Variants in PDE3A observed in about 807,000 individuals in gnomAD.
The protein encoded by PDE3A is cGMP-inhibited 3',5'-cyclic phosphodiesterase 3A.
PDE3A carries 43 observed loss-of-function variants against 98.3 expected under a neutral mutation model. The observed-to-expected ratio is 0.44, with a 90% confidence interval of 0.34 to 0.56. PDE3A has a LOEUF of 0.56. PDE3A is among the 20% of genes least tolerant of loss of function. The pLI is 0.01. For missense variants in PDE3A, 1,427 were observed against 1,440.7 expected (o/e 0.99, Z 0.15); for synonymous variants, 663 against 567.9 (o/e 1.17, Z -2.38).
At chr12:20,448,686 A>G (rs1219160416) in intron 1 of PDE3A, among the ~76,000 whole-genome samples, 1 of 151,936 alleles carries the variant, frequency 6.6e-6, no homozygotes, top group Non-Finnish European at 1.5e-5. Flanking sequence ...TGTTTCTTAA[A>G]TTCACTAAAA....
intron 1 of PDE3A, among the ~76,000 whole-genome samples, chr12:20,384,184 A>ATT (rs3058564): frequency 1.5e-5 from 2 of 137,866 alleles, no homozygotes; most frequent in Non-Finnish European, 1.6e-5. Flanking sequence ...TTGGGTTGAC[A>ATT]TTTTTTTTTT....
chr12:20,647,784 A>G (rs903402035), intron 12 of PDE3A, among the ~76,000 whole-genome samples: 2 of 152,024 alleles, frequency 1.3e-5, no homozygotes, highest in Non-Finnish European at 2.9e-5. Context: ...TTTCTTGACT[A>G]TCTACCTTCT....
At chr12:20,551,008 A>AAT (rs1043571503) in intron 1 of PDE3A, among the ~76,000 whole-genome samples, 3 of 150,174 alleles carry the variant, frequency 2.0e-5, no homozygotes, top group Non-Finnish European at 4.4e-5. Context: ...TATGTGTGTA[A>AAT]ATATATATAT....
intron 1 of PDE3A, among the ~76,000 whole-genome samples, chr12:20,410,634 T>C (rs1457495358): frequency 6.6e-6 from 1 of 152,198 alleles, no homozygotes; most frequent in Non-Finnish European, 1.5e-5. Context: ...GTTGTTGTTT[T>C]GGGTGAGAAC....
chr12:20,612,037 G>A (rs1405996987), intron 2 of PDE3A, among the ~76,000 whole-genome samples: 2 of 151,574 alleles, frequency 1.3e-5, no homozygotes, highest in African/African-American at 4.8e-5. Context: ...TTGTTTTGCT[G>A]GATCATAGAA....
chr12:20,514,909 G>T (rs535603231), intron 1 of PDE3A, among the ~76,000 whole-genome samples: 5 of 152,280 alleles, frequency 3.3e-5, no homozygotes, highest in African/African-American at 1.2e-4. Flanking sequence ...ACCTGACACT[G>T]GGTAACTTAT....
chr12:20,557,754 A>T (rs1277166819), intron 2 of PDE3A, among the ~76,000 whole-genome samples: 1 of 152,170 alleles, frequency 6.6e-6, no homozygotes, highest in African/African-American at 2.4e-5. Flanking sequence ...TCCAGTATCA[A>T]TTTGATTAGT....
At chr12:20,409,347 C>G (rs904889927) in intron 1 of PDE3A, among the ~76,000 whole-genome samples, 1 of 152,034 alleles carries the variant, frequency 6.6e-6, no homozygotes, top group African/African-American at 2.4e-5. Flanking sequence ...TTCTACAACT[C>G]TTTCTAGAAA....
At chr12:20,596,043 T>C (rs973514747) in intron 2 of PDE3A, among the ~76,000 whole-genome samples, 1 of 152,226 alleles carries the variant, frequency 6.6e-6, no homozygotes, top group Non-Finnish European at 1.5e-5. Context: ...TATTTTTGAA[T>C]TCATTTTGTC....
At chr12:20,514,426 TTG>T (rs1354073453) in intron 1 of PDE3A, among the ~76,000 whole-genome samples, 1 of 152,188 alleles carries the variant, frequency 6.6e-6, no homozygotes, top group Non-Finnish European at 1.5e-5. Context: ...ATTATTTGTG[TTG>T]TGTTTGAAGT....
chr12:20,408,155 G>A (rs540524217), intron 1 of PDE3A, among the ~76,000 whole-genome samples: 64 of 152,212 alleles, frequency 4.2e-4, no homozygotes, highest in Non-Finnish European at 5.3e-4. Context: ...TCCTGACCTT[G>A]TGATCCACCC....
intron 3 of PDE3A, among the ~76,000 whole-genome samples, chr12:20,614,343 C>A (rs1943947671): frequency 6.6e-6 from 1 of 152,212 alleles, no homozygotes; most frequent in Admixed American, 6.5e-5. Context: ...CAGTTTAGAT[C>A]TCAATATTAA....
chr12:20,440,275 A>C (rs767877019), intron 1 of PDE3A, among the ~76,000 whole-genome samples: 7 of 152,160 alleles, frequency 4.6e-5, no homozygotes, highest in Non-Finnish European at 8.8e-5. Context: ...CTTAAATTTT[A>C]ACGTAATTAT....
At chr12:20,474,171 G>C (rs1945487199) in intron 1 of PDE3A, among the ~76,000 whole-genome samples, 1 of 152,026 alleles carries the variant, frequency 6.6e-6, no homozygotes, top group Admixed American at 6.6e-5. Flanking sequence ...ATTTACTGTG[G>C]TTTTAATTTT....
chr12:20,427,499 G>T (rs952596433), intron 1 of PDE3A, among the ~76,000 whole-genome samples: 2 of 152,058 alleles, frequency 1.3e-5, no homozygotes, highest in African/African-American at 4.8e-5. Context: ...CTTATGGTTA[G>T]GTATATGCTA....
At chr12:20,489,555 G>A (rs1409396374) in intron 1 of PDE3A, among the ~76,000 whole-genome samples, 2 of 152,158 alleles carry the variant, frequency 1.3e-5, no homozygotes, top group East Asian at 3.9e-4. Context: ...TCAGTACATG[G>A]CTATCAGTCT....
At chr12:20,385,252 C>T (rs112943317) in intron 1 of PDE3A, among the ~76,000 whole-genome samples, 4 of 152,098 alleles carry the variant, frequency 2.6e-5, no homozygotes, top group African/African-American at 9.6e-5. Context: ...CCATCTCACA[C>T]CAGTTAGAAT....
chr12:20,667,169 G>C (rs188944478), intron 15 of PDE3A, among the ~76,000 whole-genome samples: 1 of 151,856 alleles, frequency 6.6e-6, no homozygotes, highest in Non-Finnish European at 1.5e-5. Flanking sequence ...TGTATATTCT[G>C]GATATTAGTT....
At chr12:20,658,400 C>G (rs760204276) in intron 15 of PDE3A, among the ~76,000 whole-genome samples, 6 of 152,136 alleles carry the variant, frequency 3.9e-5, no homozygotes, top group Non-Finnish European at 7.4e-5. Flanking sequence ...AAAATTCTAC[C>G]TAATTTTCCA....
Sources: allele counts gnomAD v4.1 joint callset (sites outside exome capture counted in the v4.1 genomes callset), GRCh38; gene constraint gnomAD v4.1.1; transcripts MANE v1.5; gene names NCBI Gene and HGNC (gene_info 2026-07-23, HGNC 2026-07-21).